The following PRKCA variants were observed in gnomAD, a reference collection of about 807,000 sequenced individuals.
PRKCA encodes protein kinase C alpha.
Under a neutral mutation model 87.0 loss-of-function variants are expected in PRKCA, and 27 were observed. That is an observed-to-expected ratio of 0.31 (90% confidence interval 0.23 to 0.43). The LOEUF (loss-of-function observed/expected upper bound fraction) is 0.43. Among genes scored for constraint, PRKCA ranks in the 20% least tolerant of loss-of-function variants. PRKCA has a pLI of 1.00. For synonymous variants in PRKCA, 329 were observed against 311.1 expected (o/e 1.06, Z -0.61); for missense variants, 518 against 852.3 (o/e 0.61, Z 4.88).
At chr17:66,346,415 T>TA (rs113963716) in intron 2 of PRKCA, among the ~76,000 whole-genome samples, 47,362 of 147,342 alleles carry the variant, frequency 0.32, 7,542 homozygotes, top group African/African-American at 0.41. Flanking sequence ...TTTTTTAAAT[T>TA]AAAAAAAAAA....
chr17:66,762,214 C>A (rs1438396645), intron 13 of PRKCA, among the ~76,000 whole-genome samples: 1 of 152,210 alleles, frequency 6.6e-6, no homozygotes, highest in African/African-American at 2.4e-5. Flanking sequence ...CCTCTGTCCC[C>A]CTCTGAGCCA....
intron 5 of PRKCA, among the ~76,000 whole-genome samples, chr17:66,649,543 G>T (rs1173257745): frequency 5.3e-5 from 8 of 152,234 alleles, no homozygotes; most frequent in Admixed American, 5.2e-4. Context: ...AAGTTACAAG[G>T]TGGAAAGTGA....
At chr17:66,350,364 G>T (rs1907668169) in intron 2 of PRKCA, among the ~76,000 whole-genome samples, 1 of 152,014 alleles carries the variant, frequency 6.6e-6, no homozygotes, top group Non-Finnish European at 1.5e-5. Flanking sequence ...TCATGTGGGT[G>T]TCCGTGGACC....
At chr17:66,549,938 C>T (rs1193287303) in intron 3 of PRKCA, among the ~76,000 whole-genome samples, 6 of 152,104 alleles carry the variant, frequency 3.9e-5, no homozygotes, top group South Asian at 2.1e-4. Context: ...AGTCACCTCT[C>T]GTCACACACC....
intron 2 of PRKCA, among the ~76,000 whole-genome samples, chr17:66,394,807 C>T (rs1027754521): frequency 2.0e-5 from 3 of 152,150 alleles, no homozygotes; most frequent in Non-Finnish European, 4.4e-5. Flanking sequence ...GCTCTTTCCC[C>T]CTGCTGGGCT....
chr17:66,483,350 A>G (rs1165499463), intron 2 of PRKCA, among the ~76,000 whole-genome samples: 1 of 152,168 alleles, frequency 6.6e-6, no homozygotes, highest in Non-Finnish European at 1.5e-5. Context: ...AATCTTTGGC[A>G]TTCCTTGGCT....
At chr17:66,719,697 G>A (rs1162045123) in intron 8 of PRKCA, among the ~76,000 whole-genome samples, 2 of 152,260 alleles carry the variant, frequency 1.3e-5, no homozygotes, top group African/African-American at 4.8e-5. Flanking sequence ...AACCCAGGAG[G>A]CAGAGGTTGC....
chr17:66,593,360 C>T (rs1969873547), intron 3 of PRKCA, among the ~76,000 whole-genome samples: 1 of 152,094 alleles, frequency 6.6e-6, no homozygotes, highest in African/African-American at 2.4e-5. Flanking sequence ...AGCTGGATTG[C>T]TACTGTGTGT....
intron 13 of PRKCA, among the ~76,000 whole-genome samples, chr17:66,771,616 C>T (rs566640148): frequency 4.6e-5 from 7 of 151,868 alleles, no homozygotes; most frequent in South Asian, 2.1e-4. Context: ...TTTTTTGAGA[C>T]GGAGTCTCGC....
intron 13 of PRKCA, among the ~76,000 whole-genome samples, chr17:66,772,315 A>G (rs1974951383): frequency 6.6e-6 from 1 of 152,200 alleles, no homozygotes; most frequent in Admixed American, 6.5e-5. Context: ...TGTCAAGGAA[A>G]TGAGCTACAA....
chr17:66,630,224 AAAT>A (rs1206763345), intron 3 of PRKCA, among the ~76,000 whole-genome samples: 2 of 152,364 alleles, frequency 1.3e-5, no homozygotes, highest in East Asian at 1.9e-4. Flanking sequence ...GGAAAAAGAA[AAAT>A]AATGATTTAT....
At chr17:66,342,776 C>T (rs1371145281) in intron 2 of PRKCA, among the ~76,000 whole-genome samples, 1 of 152,142 alleles carries the variant, frequency 6.6e-6, no homozygotes, top group Non-Finnish European at 1.5e-5. Context: ...TAAATATTTT[C>T]ACCATCTCTT....
chr17:66,744,605 T>C (rs1974232945), intron 13 of PRKCA, among the ~76,000 whole-genome samples: 1 of 152,224 alleles, frequency 6.6e-6, no homozygotes, highest in South Asian at 2.1e-4. Context: ...TTCCATATCA[T>C]TAAGGTTTGT....
Position 66,448,404 on chromosome 17 carries a change from C to T in PRKCA, c.206-47797C>T, listed in dbSNP as rs189485883. 6.6e-5 allele frequency among the ~76,000 whole-genome samples: 10 copies of T among 152,250 alleles called. No homozygotes were observed. The Middle Eastern group carries it at 0.01, about 155-fold the overall frequency. ...AGACGCCTGATGGAAGTTTGTGTGT[C>T]GTTTTGGCTGCGTTAGGCTCTTCTT... On this transcript the variant is annotated intron_variant, in intron 2 of 16. Transcript: ENST00000413366.
At chr17:66,720,124 G>C (rs1476169596) in intron 8 of PRKCA, among the ~76,000 whole-genome samples, 4 of 152,228 alleles carry the variant, frequency 2.6e-5, no homozygotes, top group African/African-American at 9.6e-5. Context: ...GTAATGAGAA[G>C]AGAGGGAGGG....
intron 3 of PRKCA, among the ~76,000 whole-genome samples, chr17:66,582,746 T>C (rs1567913455): frequency 1.3e-5 from 2 of 152,180 alleles, no homozygotes; most frequent in African/African-American, 2.4e-5. Context: ...GCCACCAGGA[T>C]GTGAGCTGTA....
Position 66,809,326 on chromosome 17 carries a change from C to T in PRKCA, c.*5289C>T, listed in dbSNP as rs377140636. 8 of 152,638 alleles carry T rather than the reference C, an allele frequency of 5.2e-5. No individual in the cohort carries two copies. Among genetic ancestry groups the T allele is most frequent in the African/African-American group, 1.9e-4 (8 of 41,536 alleles). The allele number at this position is 152,638 out of a possible 1,614,324, so 9.5% of individuals were successfully genotyped here. A position where few individuals can be genotyped will look rare whatever the true frequency, so the allele number is the denominator to read the frequency against. ...ATGTGATCAGGTGACAGTTAATAAC[C>T]GTGGAGGTCACACTCAGCCATCCAA... On this transcript the variant is annotated 3_prime_UTR_variant, in exon 17 of 17. Transcript: ENST00000413366.
At chr17:66,714,457 C>T (rs1973422764) in intron 8 of PRKCA, among the ~76,000 whole-genome samples, 1 of 152,204 alleles carries the variant, frequency 6.6e-6, no homozygotes, top group South Asian at 2.1e-4. Context: ...GCTCCTCAGT[C>T]CTGTCCAAGT....
chr17:66,574,485 G>C (rs58958350), intron 3 of PRKCA, among the ~76,000 whole-genome samples: 1 of 151,988 alleles, frequency 6.6e-6, no homozygotes, highest in Non-Finnish European at 1.5e-5. Flanking sequence ...TGTCTAGCAC[G>C]GAGAAACAGC....
Sources: gnomAD v4.1 joint callset for allele counts (sites outside exome capture counted in the v4.1 genomes callset) on GRCh38, gnomAD v4.1.1 for gene constraint, MANE v1.5 for transcripts, NCBI Gene and HGNC (gene_info 2026-07-23, HGNC 2026-07-21) for gene names.